The following ZFP69 variants were observed in gnomAD, a reference collection of about 807,000 sequenced individuals.
The protein encoded by ZFP69 is zinc finger protein 69 homolog.
A neutral mutation model predicts 48.9 loss-of-function variants in ZFP69; 35 were observed. That is an observed-to-expected ratio of 0.72 (90% CI 0.55 to 0.95). The LOEUF is 0.95. Ranked by LOEUF, ZFP69 falls within the 40% of genes least tolerant of loss-of-function variation. ZFP69 has a pLI of 0.00. For synonymous variants in ZFP69, 193 were observed against 216.8 expected (o/e 0.89, Z 0.96); for missense variants, 557 against 638.4 (o/e 0.87, Z 1.37).
In ZFP69 at chr1:40,495,230, G is replaced by A. The variant is rs115883454; in HGVS notation, c.752G>A (p.Arg251Gln). The A allele has an allele frequency of 5.5e-5, 88 of 1,613,892 alleles. No homozygotes were observed. The African/African-American group carries it at 5.6e-4, about 10-fold the overall frequency. Residue 251 changes from arginine to glutamine, a missense_variant, in exon 6 of 6, where the codon CGG (arginine) becomes CAG (glutamine). By Grantham distance (43) the Arg-to-Gln change is conservative. Coordinates refer to ENST00000372706, the MANE Select transcript of ZFP69 (RefSeq NM_001320179.2). ...CATAAATATGATACACCTACAAAGC[G>A]GAACACATACAAATTAGATTTGATT... ...RHHKYDTPTK[R>Q]NTYKLDLINH...
In ZFP69 at chr1:40,495,359, C is replaced by T; in HGVS notation, c.881C>T (p.Thr294Ile). 1 of 1,614,196 alleles carries T rather than the reference C, an allele frequency of 6.2e-7. No individual in the cohort carries two copies. Reference protein sequence around the residue: ...IHLTEHMRIHTGEKPFRCKEC... With the variant: ...IHLTEHMRIHIGEKPFRCKEC... ...CTTACTGAACATATGAGAATTCATA[C>T]TGGTGAGAAACCTTTCAGATGTAAG... Residue 294 changes from threonine (T) to isoleucine (I), a missense_variant, in exon 6 of 6, where the codon ACT becomes ATT. Thr to Ile is a moderately conservative substitution (Grantham distance 89, BLOSUM62 -1). Transcript: ENST00000372706.
chr1:40,489,850 G>A (rs1260626229), intron 5 of ZFP69, among the ~76,000 whole-genome samples: 1 of 150,342 alleles, frequency 6.7e-6, no homozygotes, highest in African/African-American at 2.5e-5. Flanking sequence ...GGAGGTGCCA[G>A]GCTCTTTTTC....
chr1:40,485,576 T>C (rs1266116078), intron 3 of ZFP69, among the ~76,000 whole-genome samples: 1 of 152,178 alleles, frequency 6.6e-6, no homozygotes, highest in Non-Finnish European at 1.5e-5. Context: ...TTAGGCACTC[T>C]TCCTTTTTCC....
In ZFP69 at chr1:40,495,017, G is replaced by A. The variant is rs764921471; in HGVS notation, c.539G>A (p.Arg180Lys). 3 of 1,613,916 alleles carry A rather than the reference G, an allele frequency of 1.9e-6. No homozygotes were observed. The highest frequency in any genetic ancestry group is 2.5e-6 in the Non-Finnish European group (3 of 1,179,988). Residue 180 changes from arginine to lysine, a missense_variant, in exon 6 of 6, where the codon AGG (arginine) becomes AAG (lysine). Arg to Lys is a conservative substitution (Grantham distance 26). Coordinates refer to ENST00000372706, the MANE Select transcript of ZFP69 (RefSeq NM_001320179.2). ...YHGIMMESFM[R>K]DDIIYSTLRK... ...GGCATTATGATGGAAAGTTTCATGAGGGATGATATAATTTATTCCACGTTG... is the reference window on the plus strand; with the variant it reads ...GGCATTATGATGGAAAGTTTCATGAAGGATGATATAATTTATTCCACGTTG...
At position 40,495,764 on chromosome 1, in the gene ZFP69, A is replaced by T. The variant is rs1281811029; in HGVS notation, c.1286A>T (p.His429Leu). 2 of 1,614,198 alleles carry T rather than the reference A, an allele frequency of 1.2e-6. No homozygotes were observed. Among genetic ancestry groups the T allele is most frequent in the South Asian group, 2.2e-5 (2 of 91,082 alleles). The change falls in exon 6 of 6, where the codon CAC (histidine) becomes CTC (leucine). Residue 429 changes from histidine to leucine, a missense_variant. His to Leu is a moderately conservative substitution (Grantham distance 99). Transcript: ENST00000372706. ...AGTCATAGAGCGTATCTAACACATCACCAGAGAATCCATACTGGGGAGAGA... is the reference window on the plus strand; with the variant it reads ...AGTCATAGAGCGTATCTAACACATCTCCAGAGAATCCATACTGGGGAGAGA... ...TFSHRAYLTH[H>L]QRIHTGERPY... is the part of the protein sequence containing the mutation.
chr1:40,490,757 C>T (rs1449196731), intron 5 of ZFP69: 1 of 152,134 alleles, frequency 6.6e-6, no homozygotes, highest in Non-Finnish European at 1.5e-5. Flanking sequence ...CTCTTTTTAA[C>T]TTATGTATCT....
In ZFP69 at chr1:40,489,502, A is replaced by C. The variant is rs1276172152; in HGVS notation, c.347-27A>C. 5 of 1,583,390 alleles carry C rather than the reference A, an allele frequency of 3.2e-6. No homozygotes were observed. In the African/African-American group the frequency reaches 6.8e-5, roughly 21 times the overall value. On this transcript the variant is annotated intron_variant, in intron 4 of 5. Coordinates refer to ENST00000372706, the MANE Select transcript of ZFP69 (RefSeq NM_001320179.2). ...TTCTTAGACATCAGCATAAACATTC[A>C]CACTGTTTTTTTTACTACATAAGCA...
chr1:40,478,122 TCACACACACA>T (rs5773698), intron 1 of ZFP69, among the ~76,000 whole-genome samples: 5 of 147,148 alleles, frequency 3.4e-5, no homozygotes, highest in South Asian at 2.2e-4. Flanking sequence ...CTGCATATAG[TCACACACACA>T]CACACACACA....
rs1352390420 is a variant in ZFP69 at position 40,477,841 on chromosome 1, G to A, written c.-380G>A. On this transcript the variant is annotated 5_prime_UTR_variant, in exon 1 of 6. The change creates a new upstream start codon in the 5' untranslated region. Transcript: ENST00000372706. The surrounding 1 kb of genome is among the most constrained non-coding windows in gnomAD (Gnocchi z 4.0). ...CTCTTTACCGCTGAAAACCTCAAGA[G>A]TGAGCACTCCCACGCCCCCGTCTCT... 6.6e-6 allele frequency: 1 copy of A among 152,468 alleles called. No individual in the cohort carries two copies. Among genetic ancestry groups the A allele is most frequent in the Non-Finnish European group, 1.5e-5 (1 of 68,274 alleles). 9.4% of individuals were successfully genotyped at this position (152,468 alleles called of 1,614,324 possible).
intron 3 of ZFP69, 58 bp downstream of exon 3, chr1:40,481,912 A>AT: frequency 7.2e-7 from 1 of 1,381,080 alleles, no homozygotes; most frequent in Non-Finnish European, 1.0e-6. Flanking sequence ...TAGGGTATAT[A>AT]ACCTGTCTTT....
rs374820239 is a variant in ZFP69, at chr1:40,489,866, CTTTTTTT to C, written c.442+258_442+264del. Among the ~76,000 whole-genome samples, 8 of 115,434 alleles carry C rather than the reference CTTTTTTT, an allele frequency of 6.9e-5. No individual in the cohort carries two copies. In the East Asian group the frequency reaches 1.9e-3, roughly 28 times the overall value. The allele number at this position is 115,434 out of a possible 152,430, so 75.7% of individuals were successfully genotyped here. On this transcript the variant is annotated intron_variant, in intron 5 of 5. Coordinates refer to ENST00000372706, the MANE Select transcript of ZFP69 (RefSeq NM_001320179.2). ...GAGGTGCCAGGCTCTTTTTCTTTTTCTTTTTTTTTTTTTTTTTTTTTTGAGACAGAGT... is the reference window on the plus strand; with the variant it reads ...GAGGTGCCAGGCTCTTTTTCTTTTTCTTTTTTTTTTTTTTTGAGACAGAGT...
At chr1:40,494,357 C>T (rs1645602166) in intron 5 of ZFP69, among the ~76,000 whole-genome samples, 1 of 139,446 alleles carries the variant, frequency 7.2e-6, no homozygotes, top group African/African-American at 2.6e-5. Flanking sequence ...CAAGCTCCGC[C>T]TCCCGGGTTC....
intron 5 of ZFP69, among the ~76,000 whole-genome samples, chr1:40,492,405 T>G (rs928938518): frequency 6.6e-6 from 1 of 152,150 alleles, no homozygotes; most frequent in African/African-American, 2.4e-5. Context: ...TATGTTTGGG[T>G]CTGTTTCTGT....
At chr1:40,489,339 T>G in intron 4 of ZFP69, 125 bp downstream of exon 4, 1 of 1,344,334 alleles carries the variant, frequency 7.4e-7, no homozygotes, top group South Asian at 1.4e-5. Context: ...TCTTATTCCC[T>G]TTGAAAACCA....
At position 40,491,763 on chromosome 1, in the gene ZFP69, A is replaced by G. The variant is rs983487030; in HGVS notation, c.442+2139A>G. ...TTGGTAGAAAAAAATGTGTGTGTGT[A>G]TGTGTGTGTGTGTGTGTGTGTGTAT... On this transcript the variant is annotated intron_variant, in intron 5 of 5. Transcript: ENST00000372706. Among the ~76,000 whole-genome samples the G allele has an allele frequency of 2.3e-5, 3 of 129,400 alleles. No homozygotes were observed. In the East Asian group the frequency reaches 8.8e-4, roughly 38 times the overall value. 84.9% of individuals were successfully genotyped at this position (129,400 alleles called of 152,430 possible). A position where few individuals can be genotyped will look rare whatever the true frequency, so the allele number is the denominator to read the frequency against.
chr1:40,489,731 G>A lies in ZFP69; in HGVS notation c.442+107G>A, dbSNP rs1013769686. 8 of 780,812 alleles carry A rather than the reference G, an allele frequency of 1.0e-5. 1 individual carries two copies. The highest frequency in any genetic ancestry group is 9.2e-5 in the Admixed American group (3 of 32,772). The allele number at this position is 780,812 out of a possible 1,614,324, so 48.4% of individuals were successfully genotyped here. A position where few individuals can be genotyped will look rare whatever the true frequency, so the allele number is the denominator to read the frequency against. On this transcript the variant is annotated intron_variant, in intron 5 of 5. Coordinates refer to ENST00000372706, the MANE Select transcript of ZFP69 (RefSeq NM_001320179.2). ...TAATTGGCTAATGATTCTGCAGGCT[G>A]TACAGGAAGCATGGCACTGGCATCT...
intron 1 of ZFP69, among the ~76,000 whole-genome samples, 180 bp from the exon 2 acceptor site, chr1:40,478,856 C>G (rs1645416123): frequency 6.6e-6 from 1 of 152,056 alleles, no homozygotes; most frequent in African/African-American, 2.4e-5. Flanking sequence ...GCAGAAGATG[C>G]ATGCAGCTTA....
At chr1:40,486,496 C>G (rs1214464542) in intron 3 of ZFP69, among the ~76,000 whole-genome samples, 1 of 141,376 alleles carries the variant, frequency 7.1e-6, no homozygotes, top group Non-Finnish European at 1.5e-5. Context: ...CTCCCTCCCT[C>G]CCACCACTAC....
intron 5 of ZFP69, among the ~76,000 whole-genome samples, chr1:40,494,230 A>G (rs1037483098): frequency 7.3e-6 from 1 of 136,574 alleles, no homozygotes; most frequent in African/African-American, 2.7e-5. Flanking sequence ...ACTTAGTATT[A>G]TTAGAGCAGG....
Sources: allele counts gnomAD v4.1 joint callset (sites outside exome capture counted in the v4.1 genomes callset), GRCh38; gene constraint gnomAD v4.1.1; non-coding constraint Gnocchi (gnomAD v3.1); transcripts MANE v1.5; gene names NCBI Gene and HGNC (gene_info 2026-07-23, HGNC 2026-07-21).